Variants in MROH2A observed in about 807,000 individuals in gnomAD.
The protein encoded by MROH2A is maestro heat like repeat family member 2A, also known as maestro heat-like repeat-containing protein family member 2A.
MROH2A carries 174 observed loss-of-function variants against 200.4 expected under a neutral mutation model. That is an observed-to-expected ratio of 0.87 (90% confidence interval 0.77 to 0.98). The LOEUF is 0.98. MROH2A is among the 50% of genes least tolerant of loss of function. The probability of loss-of-function intolerance (pLI) is 0.00; values close to 1 mark genes in which losing one functional copy is unlikely to be tolerated. For synonymous variants in MROH2A, 829 were observed against 840.4 expected (o/e 0.99, Z 0.23); for missense variants, 2,045 against 2,139.6 (o/e 0.96, Z 0.87).
At position 233,820,298 on chromosome 2, in the gene MROH2A, A is replaced by C. The variant is rs1343217059; in HGVS notation, c.3512+242A>C. Among the ~76,000 whole-genome samples, 1 of 152,056 alleles carries C rather than the reference A, an allele frequency of 6.6e-6. No individual in the cohort carries two copies. Among genetic ancestry groups the C allele is most frequent in the African/African-American group, 2.4e-5 (1 of 41,424 alleles). On this transcript the variant is annotated intron_variant, in intron 31 of 41. Transcript: ENST00000389758. The surrounding 1 kb of genome is among the most constrained non-coding windows in gnomAD (Gnocchi z 4.1). ...GGAATCTGGACCCGTAGCTCCCCAC[A>C]TGCCCGGGACAGTGTCTGTGGAGTT...
intron 35 of MROH2A, among the ~76,000 whole-genome samples, chr2:233,824,025 C>T (rs911339749): frequency 6.6e-6 from 1 of 152,146 alleles, no homozygotes; most frequent in Non-Finnish European, 1.5e-5. Flanking sequence ...CAGGGCCCAG[C>T]GACCCTATCT....
At chr2:233,794,706 G>A (rs1016355265) in intron 8 of MROH2A, among the ~76,000 whole-genome samples, 200 bp downstream of exon 8, 1 of 152,194 alleles carries the variant, frequency 6.6e-6, no homozygotes, top group Non-Finnish European at 1.5e-5. Flanking sequence ...CTGCCCTTCC[G>A]GGTGGAAGGG....
At position 233,828,710 on chromosome 2, in the gene MROH2A, G is replaced by A. The variant is rs1254174595; in HGVS notation, c.4194G>A (p.Glu1398=). Residue 1398 remains glutamate, a synonymous_variant, in exon 36 of 42, where the codon GAG becomes GAA. Transcript: ENST00000389758. This position sits in a 1 kb window ranked among gnomAD's most constrained non-coding sequence, Gnocchi z 4.6. ...ALLLEKGADQ[E]EDEALRVLSL... ...TGCTGGAGAAGGGTGCCGACCAGGA[G>A]GAAGACGAGGCCCTGCGGGTGCTGT... 3.9e-6 allele frequency: 6 copies of A among 1,550,602 alleles called. No homozygotes were observed. Among genetic ancestry groups the A allele is most frequent in the Middle Eastern group, 1.7e-4 (1 of 6,010 alleles).
At chr2:233,802,022 T>C in intron 14 of MROH2A, 146 bp from the exon 15 acceptor site, 1 of 882,940 alleles carries the variant, frequency 1.1e-6, no homozygotes, top group East Asian at 2.7e-5. Flanking sequence ...GATTTGGCGG[T>C]GGAGCCAGTT....
chr2:233,795,593 C>G, intron 8 of MROH2A, 60 bp from the exon 9 acceptor site: 1 of 1,550,438 alleles, frequency 6.4e-7, no homozygotes, highest in Admixed American at 2.0e-5. Context: ...TAGCGAGGGT[C>G]TAGAGTTTGA....
At position 233,820,892 on chromosome 2, in the gene MROH2A, G is replaced by T. The variant is rs1174746599; in HGVS notation, c.3512+836G>T. Reference sequence around the variant, plus strand: ...TTCTCATAAGGGCAGCCCTGCCGTGGGTCCAGCTGGGAGGGTGGTGCAGGT... The same window carrying T: ...TTCTCATAAGGGCAGCCCTGCCGTGTGTCCAGCTGGGAGGGTGGTGCAGGT... On this transcript the variant is annotated intron_variant, in intron 31 of 41. Transcript: ENST00000389758. The surrounding 1 kb of genome is among the most constrained non-coding windows in gnomAD (Gnocchi z 4.1). 6.6e-6 allele frequency among the ~76,000 whole-genome samples: 1 copy of T among 152,204 alleles called. No homozygotes were observed. Among genetic ancestry groups the T allele is most frequent in the East Asian group, 1.9e-4 (1 of 5,190 alleles).
At chr2:233,803,541 C>A in intron 16 of MROH2A, 53 bp downstream of exon 16, 1 of 1,539,654 alleles carries the variant, frequency 6.5e-7, no homozygotes, top group Non-Finnish European at 8.8e-7. Flanking sequence ...TGCCCTGTGG[C>A]ACCTCTTCTT....
At position 233,828,731 on chromosome 2, in the gene MROH2A, G is replaced by A; in HGVS notation, c.4215G>A (p.Val1405=). The stretch of plus-strand genomic sequence containing the variant: ...AGGAGGAAGACGAGGCCCTGCGGGT[G>A]CTGTCCCTGCGCGCCCTCGGCAACA... ...ADQEEDEALR[V]LSLRALGNMA... is the part of the protein sequence containing the mutation. Residue 1405 remains valine, a synonymous_variant, in exon 36 of 42, where the codon GTG becomes GTA. Transcript: ENST00000389758. This position sits in a 1 kb window ranked among gnomAD's most constrained non-coding sequence, Gnocchi z 4.6. The A allele has an allele frequency of 3.2e-6, 5 of 1,550,570 alleles. No individual in the cohort carries two copies. The highest frequency in any genetic ancestry group is 4.4e-6 in the Non-Finnish European group (5 of 1,146,934).
intron 3 of MROH2A, among the ~76,000 whole-genome samples, chr2:233,788,632 C>G (rs2126096992): frequency 6.6e-6 from 1 of 152,182 alleles, no homozygotes; most frequent in African/African-American, 2.4e-5. Flanking sequence ...GAAAGTAACC[C>G]TCATTCCTTA....
At chr2:233,784,291 T>C (rs1232921796) in intron 3 of MROH2A, among the ~76,000 whole-genome samples, 1 of 152,230 alleles carries the variant, frequency 6.6e-6, no homozygotes, top group Non-Finnish European at 1.5e-5. Context: ...AATTTCTTTA[T>C]TGAACCAGTG....
upstream of MROH2A, among the ~76,000 whole-genome samples, chr2:233,777,213 C>T (rs1242643628): frequency 1.3e-5 from 2 of 152,204 alleles, no homozygotes; most frequent in Non-Finnish European, 2.9e-5. Context: ...AAATGTATCA[C>T]TTTTCATGTG....
rs78725351 is a variant in MROH2A, at chr2:233,815,174, A to G, written c.2856+497A>G. On this transcript the variant is annotated intron_variant, in intron 26 of 41. Transcript: ENST00000389758. ...TGTCAGGTCTCTTTGTTCTCCTTTC[A>G]TCTGGAACAGCTTCACAGTCCTTCT... is the stretch of plus-strand genomic sequence containing the variant. Among the ~76,000 whole-genome samples, 2,497 of 152,230 alleles carry G rather than the reference A, an allele frequency of 0.016. 133 individuals carry two copies. In the East Asian group the frequency reaches 0.2, roughly 12 times the overall value.
intron 5 of MROH2A, among the ~76,000 whole-genome samples, chr2:233,791,616 G>A (rs912019460): frequency 1.4e-4 from 21 of 152,140 alleles, no homozygotes; most frequent in African/African-American, 4.3e-4. Flanking sequence ...ATTGATATCC[G>A]GGAGTGAAAG....
chr2:233,802,212 C>G lies in MROH2A; in HGVS notation c.1605C>G (p.Tyr535Ter). The change falls in exon 15 of 42, where the codon TAC becomes TAG. Residue 535 changes from tyrosine to a stop codon, truncating the protein, a stop_gained. Transcript: ENST00000389758. LOFTEE classifies it high-confidence loss of function. ...RLLCYIMETD[Y>*]VEALTPICIS... ...TGTGCTACATCATGGAGACAGACTA[C>G]GTGGAAGCTTTGACTCCTATCTGTA... 6.5e-7 allele frequency: 1 copy of G among 1,550,384 alleles called. No homozygotes were observed. Among genetic ancestry groups the G allele is most frequent in the Non-Finnish European group, 8.7e-7 (1 of 1,146,868 alleles).
intron 16 of MROH2A, 149 bp from the exon 17 acceptor site, chr2:233,803,902 T>C: frequency 9.6e-7 from 1 of 1,046,286 alleles, no homozygotes; most frequent in South Asian, 1.6e-5. Context: ...TCCTGTAGTG[T>C]CCTCTGCAGG....
chr2:233,790,263 C>G (rs1701631365), intron 5 of MROH2A, among the ~76,000 whole-genome samples: 3 of 106,384 alleles, frequency 2.8e-5, no homozygotes, highest in Admixed American at 9.2e-5. Context: ...TTCTGTCTTT[C>G]CATCTCTCTT....
At chr2:233,796,099 T>TC in intron 10 of MROH2A, 54 bp downstream of exon 10, 1 of 1,535,430 alleles carries the variant, frequency 6.5e-7, no homozygotes, top group Non-Finnish European at 8.8e-7. Flanking sequence ...GCAGGAGGCC[T>TC]GTAGGAGTCC....
At chr2:233,814,817 T>C in intron 26 of MROH2A, 140 bp downstream of exon 26, 1 of 582,912 alleles carries the variant, frequency 1.7e-6, no homozygotes, top group East Asian at 3.1e-5. Context: ...CCAGATCTGC[T>C]AAAAATTTGC....
chr2:233,800,013 A>G (rs914124917), intron 13 of MROH2A, 114 bp downstream of exon 13: 30 of 1,386,992 alleles, frequency 2.2e-5, no homozygotes, highest in Non-Finnish European at 3.0e-5. Context: ...GTATCCATTC[A>G]TGACAGGAGT....
Sources: gnomAD v4.1 joint callset for allele counts (sites outside exome capture counted in the v4.1 genomes callset) on GRCh38, gnomAD v4.1.1 for gene constraint, Gnocchi (gnomAD v3.1) non-coding constraint, MANE v1.5 for transcripts, NCBI Gene and HGNC (gene_info 2026-07-23, HGNC 2026-07-21) for gene names.